The following MEP1A variants were observed in gnomAD, a reference collection of about 807,000 sequenced individuals.
MEP1A encodes meprin A subunit alpha, also known as N-benzoyl-L-tyrosyl-P-amino-benzoic acid hydrolase subunit alpha.
MEP1A carries 68 observed loss-of-function variants against 84.5 expected under a neutral mutation model. That is an observed-to-expected ratio of 0.80 (90% CI 0.66 to 0.98). MEP1A has a LOEUF of 0.98. Ranked by LOEUF, MEP1A falls within the 50% of genes least tolerant of loss-of-function variation. MEP1A has a pLI of 0.00. For synonymous variants in MEP1A, 337 were observed against 336.8 expected, an observed-to-expected ratio of 1.00 and a Z score of -0.01; for missense variants, 887 against 919.9, an observed-to-expected ratio of 0.96 and a Z score of 0.46.
intron 5 of MEP1A, among the ~76,000 whole-genome samples, chr6:46,804,356 G>T (rs1351151692): frequency 4.6e-5 from 7 of 151,386 alleles, no homozygotes; most frequent in African/African-American, 1.7e-4. Flanking sequence ...TTGTCTTTTT[G>T]TTTTCCAACA....
At chr6:46,842,962 C>T (rs1768359939), downstream of MEP1A, among the ~76,000 whole-genome samples, 1 of 152,178 alleles carries the variant, frequency 6.6e-6, no homozygotes, top group Non-Finnish European at 1.5e-5. Flanking sequence ...AGCCATCCAA[C>T]CTGTTTTGTA....
chr6:46,793,643 A>T (rs752368217), intron 2 of MEP1A, 23 bp from the exon 3 acceptor site: 4 of 1,592,446 alleles, frequency 2.5e-6, no homozygotes, highest in South Asian at 1.1e-5. Context: ...ACTAATAATA[A>T]TTTTTTTTCT....
downstream of MEP1A, among the ~76,000 whole-genome samples, chr6:46,842,950 A>G (rs1278466695): frequency 6.6e-6 from 1 of 152,184 alleles, no homozygotes; most frequent in Non-Finnish European, 1.5e-5. Flanking sequence ...AAGCCCACAA[A>G]TAGCCATCCA....
intron 6 of MEP1A, among the ~76,000 whole-genome samples, chr6:46,819,113 C>T (rs766186812): frequency 2.0e-5 from 3 of 152,154 alleles, no homozygotes; most frequent in Non-Finnish European, 2.9e-5. Context: ...GTGAGACCCC[C>T]AATCTCAAAA....
At chr6:46,810,678 TA>T (rs1462336333) in intron 6 of MEP1A, among the ~76,000 whole-genome samples, 1 of 152,180 alleles carries the variant, frequency 6.6e-6, no homozygotes, top group Non-Finnish European at 1.5e-5. Flanking sequence ...TTCATTCTTC[TA>T]CATGTGGCTT....
rs772600254 is a variant in MEP1A, at chr6:46,835,562, G to A, written c.2084+13G>A. 15 of 1,612,390 alleles carry A rather than the reference G, an allele frequency of 9.3e-6. No homozygotes were observed. In the African/African-American group the frequency reaches 1.6e-4, roughly 17 times the overall value. On this transcript the variant is annotated intron_variant, in intron 13 of 13. Coordinates refer to ENST00000230588, the MANE Select transcript of MEP1A (RefSeq NM_005588.3). Reference sequence around the variant, plus strand: ...TGGCGAGCTGCAGGTAGGCTCTGTGGCTGGGGAGACAGGCAGGCCAGCAGA... The same window carrying A: ...TGGCGAGCTGCAGGTAGGCTCTGTGACTGGGGAGACAGGCAGGCCAGCAGA...
chr6:46,803,384 G>A (rs949979592), intron 5 of MEP1A, among the ~76,000 whole-genome samples: 10 of 151,544 alleles, frequency 6.6e-5, no homozygotes, highest in Admixed American at 4.6e-4. Flanking sequence ...CAAAATAGTG[G>A]CATAATATCT....
At chr6:46,813,583 C>T (rs1767557992) in intron 6 of MEP1A, among the ~76,000 whole-genome samples, 1 of 152,058 alleles carries the variant, frequency 6.6e-6, no homozygotes, top group African/African-American at 2.4e-5. Context: ...CTATTCTATA[C>T]ATTGTGCAAT....
intron 7 of MEP1A, among the ~76,000 whole-genome samples, chr6:46,822,744 C>CATGT (rs1262331310): frequency 6.6e-6 from 1 of 152,128 alleles, no homozygotes; most frequent in Non-Finnish European, 1.5e-5. Context: ...GGGGTTTCAC[C>CATGT]ATGTGGACCA....
chr6:46,831,286 C>G (rs994388878), intron 10 of MEP1A, among the ~76,000 whole-genome samples: 1 of 152,100 alleles, frequency 6.6e-6, no homozygotes, highest in Non-Finnish European at 1.5e-5. Flanking sequence ...GACCAAAACA[C>G]TTACACACAA....
intron 5 of MEP1A, among the ~76,000 whole-genome samples, chr6:46,800,980 G>T (rs753666275): frequency 3.9e-5 from 6 of 152,074 alleles, no homozygotes; most frequent in Non-Finnish European, 8.8e-5. Context: ...TATTGTTGTA[G>T]ATCAACAGTA....
intron 7 of MEP1A, among the ~76,000 whole-genome samples, chr6:46,824,710 G>T (rs1376636867): frequency 8.8e-6 from 1 of 113,794 alleles, no homozygotes; most frequent in Non-Finnish European, 1.7e-5. Context: ...TATTTAAATA[G>T]ATGTATTTAA....
chr6:46,834,433 TTATA>T (rs1161669995), intron 11 of MEP1A, 141 bp from the exon 12 acceptor site: 12 of 214,974 alleles, frequency 5.6e-5, no homozygotes, highest in African/African-American at 1.3e-4. Context: ...TTTTTTATTT[TTATA>T]TTTATTTATT....
At position 46,839,267 on chromosome 6, in the gene MEP1A, T is replaced by A. The variant is rs983337693; in HGVS notation, c.*131T>A. 7 of 644,168 alleles carry A rather than the reference T, an allele frequency of 1.1e-5. No individual in the cohort carries two copies. In the African/African-American group the frequency reaches 1.3e-4, roughly 12 times the overall value. The allele number at this position is 644,168 out of a possible 1,614,324, so 39.9% of individuals were successfully genotyped here. On this transcript the variant is annotated 3_prime_UTR_variant, in exon 14 of 14. Transcript: ENST00000230588. ...CCAAGGACTAAGGCCTCCAGCCCCA[T>A]GTGTGACCCTTGTCATCTCTCTGCC...
chr6:46,809,600 C>T (rs764234706), intron 6 of MEP1A, 63 bp downstream of exon 6: 7 of 1,040,688 alleles, frequency 6.7e-6, no homozygotes, highest in Non-Finnish European at 1.0e-5. Context: ...AGTATTCTTT[C>T]CCCGAGTCCC....
At chr6:46,803,226 G>A (rs1291649129) in intron 5 of MEP1A, among the ~76,000 whole-genome samples, 2 of 151,248 alleles carry the variant, frequency 1.3e-5, no homozygotes, top group Non-Finnish European at 3.0e-5. Flanking sequence ...TAATGAATTC[G>A]ATTCATTTAA....
intron 5 of MEP1A, among the ~76,000 whole-genome samples, chr6:46,807,797 AAGAAAGAAAG>A (rs1301644285): frequency 6.9e-6 from 1 of 145,476 alleles, no homozygotes; most frequent in East Asian, 2.0e-4. Context: ...GAAAGAAAGA[AAGAAAGAAAG>A]AAAGAAAGAA....
chr6:46,821,759 T>A lies in MEP1A; in HGVS notation c.556+2055T>A, dbSNP rs79601652. ...ACATTTGCCAGGGTCAAGTGCAGAC[T>A]TGCTCAGCTCTGGTTTGAGCACGGG... On this transcript the variant is annotated intron_variant, in intron 7 of 13. Coordinates refer to ENST00000230588, the MANE Select transcript of MEP1A (RefSeq NM_005588.3). Among the ~76,000 whole-genome samples, 4 of 152,198 alleles carry A rather than the reference T, an allele frequency of 2.6e-5. No individual in the cohort carries two copies. The East Asian group carries it at 7.7e-4, about 29-fold the overall frequency.
chr6:46,837,366 T>A (rs1768237135), intron 13 of MEP1A, among the ~76,000 whole-genome samples: 1 of 152,262 alleles, frequency 6.6e-6, no homozygotes, highest in Non-Finnish European at 1.5e-5. Flanking sequence ...GGTTGGCTCC[T>A]GTGCTCTTTC....
Sources: allele counts gnomAD v4.1 joint callset (sites outside exome capture counted in the v4.1 genomes callset), GRCh38; gene constraint gnomAD v4.1.1; transcripts MANE v1.5; gene names NCBI Gene and HGNC (gene_info 2026-07-23, HGNC 2026-07-21).